NUDCD3: variants seen among roughly 807,000 people sequenced by gnomAD.
NUDCD3 encodes the protein NudC domain containing 3.
A neutral mutation model predicts 39.7 loss-of-function variants in NUDCD3; 13 were observed. The observed-to-expected ratio is 0.33, with a 90% CI of 0.21 to 0.52. The LOEUF (loss-of-function observed/expected upper bound fraction) is 0.52, where lower values mean the gene tolerates loss of function less well. Among genes scored for constraint, NUDCD3 ranks in the 20% least tolerant of loss-of-function variants. The pLI is 0.96. For missense variants in NUDCD3, 453 were observed against 458.1 expected (o/e 0.99, Z 0.10); for synonymous variants, 175 against 172.4 (o/e 1.02, Z -0.12).
At chr7:44,447,594 C>G (rs941294900) in intron 2 of NUDCD3, among the ~76,000 whole-genome samples, 6 of 152,226 alleles carry the variant, frequency 3.9e-5, no homozygotes, top group African/African-American at 1.4e-4. Flanking sequence ...ATCTTAGAAG[C>G]AGAGAGCCCT....
chr7:44,416,933 G>T (rs549429969), intron 3 of NUDCD3, among the ~76,000 whole-genome samples: 12 of 152,162 alleles, frequency 7.9e-5, no homozygotes, highest in African/African-American at 2.7e-4. Flanking sequence ...AGGAGGACTG[G>T]GGGGGACAAC....
chr7:44,410,865 G>A (rs1798910278), intron 3 of NUDCD3, among the ~76,000 whole-genome samples: 1 of 152,040 alleles, frequency 6.6e-6, no homozygotes, highest in Admixed American at 6.5e-5. Context: ...TACTCGGGAG[G>A]CTGAGGCAGG....
chr7:44,409,829 AATT>A (rs1028675358), intron 3 of NUDCD3, among the ~76,000 whole-genome samples: 41 of 152,306 alleles, frequency 2.7e-4, no homozygotes, highest in African/African-American at 8.7e-4. Flanking sequence ...ACGAGATAGA[AATT>A]ATTATTACCA....
At chr7:44,420,448 T>C (rs1799115589) in intron 3 of NUDCD3, among the ~76,000 whole-genome samples, 1 of 152,118 alleles carries the variant, frequency 6.6e-6, no homozygotes, top group Admixed American at 6.6e-5. Flanking sequence ...CCAGGAGAAC[T>C]TCCCCAACCT....
At chr7:44,479,155 G>T (rs889376376) in intron 2 of NUDCD3, among the ~76,000 whole-genome samples, 20 of 152,218 alleles carry the variant, frequency 1.3e-4, no homozygotes, top group East Asian at 1.2e-3. Context: ...GCCTCCCACC[G>T]GGTCCCTCCC....
chr7:44,440,313 T>C (rs1016752669), intron 2 of NUDCD3, among the ~76,000 whole-genome samples: 2 of 152,040 alleles, frequency 1.3e-5, no homozygotes, highest in South Asian at 2.1e-4. Flanking sequence ...TAGACCCAAA[T>C]TGGGAACATT....
chr7:44,455,798 G>A (rs577503488), intron 2 of NUDCD3, among the ~76,000 whole-genome samples: 3 of 151,778 alleles, frequency 2.0e-5, no homozygotes, highest in South Asian at 2.1e-4. Context: ...AGGCCGAGGC[G>A]GGCGGATCAC....
chr7:44,427,184 G>A (rs147885552), intron 3 of NUDCD3, among the ~76,000 whole-genome samples: 2 of 152,312 alleles, frequency 1.3e-5, no homozygotes, highest in East Asian at 3.9e-4. Context: ...TAGGAAAAAA[G>A]AGAATTCACC....
chr7:44,476,809 G>C (rs888317041), intron 2 of NUDCD3, among the ~76,000 whole-genome samples: 1 of 152,158 alleles, frequency 6.6e-6, no homozygotes, highest in African/African-American at 2.4e-5. Context: ...AGCCATAAAG[G>C]AATAACGTAA....
intron 4 of NUDCD3, among the ~76,000 whole-genome samples, chr7:44,401,706 C>G (rs1017829399): frequency 3.3e-5 from 5 of 152,212 alleles, no homozygotes; most frequent in Admixed American, 6.5e-5. Flanking sequence ...AGGTGCCCCT[C>G]AGTCTGCAAT....
In NUDCD3 at chr7:44,384,295, T is replaced by C. The variant is rs528965458; in HGVS notation, c.*1716A>G. Reference sequence around the variant, plus strand: ...TGGTGTGCAAATCCTAGGACCTCAATGGGAAGAACTCCAGGAAAAAAAATG... The same window carrying C: ...TGGTGTGCAAATCCTAGGACCTCAACGGGAAGAACTCCAGGAAAAAAAATG... On this transcript the variant is annotated 3_prime_UTR_variant, in exon 6 of 6. Transcript: ENST00000355451. 4.6e-5 allele frequency: 7 copies of C among 152,170 alleles called. No individual in the cohort carries two copies. Among genetic ancestry groups the C allele is most frequent in the African/African-American group, 1.2e-4 (5 of 41,508 alleles). The allele number at this position is 152,170 out of a possible 1,614,324, so 9.4% of individuals were successfully genotyped here.
rs138505176 is a variant in NUDCD3 at position 44,467,638 on chromosome 7, C to T, written c.509+17330G>A. ...TGGGGCAGGCTGGCAATCTTAAACC[C>T]CATTTGCCCCAAGCCCCTAAAAAAA... On this transcript the variant is annotated intron_variant, in intron 2 of 5. Transcript: ENST00000355451. Among the ~76,000 whole-genome samples the T allele has an allele frequency of 6.2e-3, 936 of 152,124 alleles. 4 individuals are homozygous for T. Among genetic ancestry groups the T allele is most frequent in the African/African-American group, 0.021 (867 of 41,496 alleles).
intron 4 of NUDCD3, among the ~76,000 whole-genome samples, chr7:44,396,086 GTTGTGTGTGT>G (rs1203434509): frequency 2.3e-5 from 3 of 130,082 alleles, no homozygotes; most frequent in African/African-American, 1.0e-4. Flanking sequence ...GTTATCTTCT[GTTGTGTGTGT>G]GTGTGTGTGT....
At chr7:44,412,926 CAAAAAAAAAAAAAAAA>C (rs1798956325) in intron 3 of NUDCD3, among the ~76,000 whole-genome samples, 1 of 43,880 alleles carries the variant, frequency 2.3e-5, no homozygotes, top group Non-Finnish European at 4.9e-5. Context: ...GACGCCGTCT[CAAAAAAAAAAAAAAAA>C]GAAAAAAAAA....
At chr7:44,412,231 G>A (rs1465854536) in intron 3 of NUDCD3, among the ~76,000 whole-genome samples, 8 of 152,210 alleles carry the variant, frequency 5.3e-5, no homozygotes, top group Non-Finnish European at 1.0e-4. Flanking sequence ...ACACATCCAC[G>A]TGTACTGAGC....
intron 2 of NUDCD3, among the ~76,000 whole-genome samples, chr7:44,459,217 T>G (rs1799961260): frequency 6.6e-6 from 1 of 150,918 alleles, no homozygotes; most frequent in African/African-American, 2.5e-5. Context: ...TTTTTTTTTT[T>G]GAGACAGGGC....
At chr7:44,453,721 T>C (rs904964263) in intron 2 of NUDCD3, among the ~76,000 whole-genome samples, 3 of 152,270 alleles carry the variant, frequency 2.0e-5, no homozygotes, top group East Asian at 1.9e-4. Context: ...GCCAAAATGC[T>C]GGGATTTTAA....
At chr7:44,387,663 C>T (rs1798423191) in intron 5 of NUDCD3, among the ~76,000 whole-genome samples, 1 of 152,192 alleles carries the variant, frequency 6.6e-6, no homozygotes, top group African/African-American at 2.4e-5. Context: ...ACAGTCTTAC[C>T]CTGGGAACCC....
At chr7:44,415,889 G>A (rs540646171) in intron 3 of NUDCD3, among the ~76,000 whole-genome samples, 1 of 152,282 alleles carries the variant, frequency 6.6e-6, no homozygotes, top group East Asian at 1.9e-4. Context: ...AATAAACACT[G>A]CTGACAGGCA....
Sources: gnomAD v4.1 joint callset for allele counts (sites outside exome capture counted in the v4.1 genomes callset) on GRCh38, gnomAD v4.1.1 for gene constraint, MANE v1.5 for transcripts, NCBI Gene and HGNC (gene_info 2026-07-23, HGNC 2026-07-21) for gene names.